The following ZMAT4 variants were observed in gnomAD, a reference collection of about 807,000 sequenced individuals.
ZMAT4 encodes zinc finger matrin-type protein 4.
ZMAT4 carries 17 observed loss-of-function variants against 28.7 expected under a neutral mutation model. The observed-to-expected ratio is 0.59, with a 90% CI of 0.41 to 0.89. ZMAT4 has a LOEUF of 0.89. ZMAT4 is among the 40% of genes least tolerant of loss of function. The pLI is 0.00. For missense variants in ZMAT4, 240 were observed against 283.8 expected (o/e 0.85, Z 1.11); for synonymous variants, 117 against 109.2 (o/e 1.07, Z -0.44).
At chr8:40,549,059 C>T (rs1052915232) in intron 6 of ZMAT4, among the ~76,000 whole-genome samples, 2 of 152,030 alleles carry the variant, frequency 1.3e-5, no homozygotes, top group African/African-American at 4.8e-5. Flanking sequence ...CATGAGGCCT[C>T]CACCCTCATG....
At chr8:40,543,754 A>T (rs2118390770) in intron 6 of ZMAT4, among the ~76,000 whole-genome samples, 1 of 152,318 alleles carries the variant, frequency 6.6e-6, no homozygotes, top group Middle Eastern at 3.4e-3. Flanking sequence ...AATCATTAGA[A>T]TTATAACTTT....
chr8:40,618,683 G>A (rs1378619897), intron 5 of ZMAT4, among the ~76,000 whole-genome samples: 4 of 149,398 alleles, frequency 2.7e-5, no homozygotes, highest in Non-Finnish European at 5.9e-5. Flanking sequence ...AGAAATGACT[G>A]GTTTCCCAGG....
At chr8:40,612,811 G>GTTTTT (rs57134245) in intron 5 of ZMAT4, among the ~76,000 whole-genome samples, 7 of 86,224 alleles carry the variant, frequency 8.1e-5, no homozygotes, top group East Asian at 2.3e-4. Flanking sequence ...TTTGGTTTTT[G>GTTTTT]TTTTTTTTTT....
intron 1 of ZMAT4, among the ~76,000 whole-genome samples, chr8:40,830,238 T>A (rs973859981): frequency 5.9e-5 from 9 of 152,222 alleles, no homozygotes; most frequent in Non-Finnish European, 1.5e-5. Context: ...TTGTTACATA[T>A]GTATACTGCA....
chr8:40,706,995 A>G (rs1372174955), intron 3 of ZMAT4, among the ~76,000 whole-genome samples: 1 of 152,190 alleles, frequency 6.6e-6, no homozygotes, highest in African/African-American at 2.4e-5. Context: ...GAGTGTATGA[A>G]GAAAAACTAA....
rs576788880 is a variant in ZMAT4 at position 40,572,926 on chromosome 8, G to A, written c.674+8239C>T. 2.0e-5 allele frequency among the ~76,000 whole-genome samples: 3 copies of A among 152,280 alleles called. No individual in the cohort carries two copies. In the East Asian group the frequency reaches 5.8e-4, roughly 29 times the overall value. ...AATAGTAGTAGTAATAAAGGCATAT[G>A]ACCTGACTTTTGCCTCTGCTAACAA... On this transcript the variant is annotated intron_variant, in intron 6 of 6. Transcript: ENST00000297737.
chr8:40,560,528 A>C (rs139463432), intron 6 of ZMAT4, among the ~76,000 whole-genome samples: 1 of 152,050 alleles, frequency 6.6e-6, no homozygotes, highest in East Asian at 1.9e-4. Flanking sequence ...TTAAACATTT[A>C]CTGTGAAAGT....
chr8:40,686,722 C>A (rs980177797), intron 4 of ZMAT4, among the ~76,000 whole-genome samples: 21 of 152,068 alleles, frequency 1.4e-4, no homozygotes, highest in African/African-American at 4.8e-4. Flanking sequence ...TGAAATAAAA[C>A]CAAAACCAGT....
intron 4 of ZMAT4, among the ~76,000 whole-genome samples, chr8:40,684,337 C>T (rs930838278): frequency 6.6e-6 from 1 of 152,184 alleles, no homozygotes; most frequent in Non-Finnish European, 1.5e-5. Flanking sequence ...AAACCTCAAA[C>T]CCCACATTTA....
intron 5 of ZMAT4, 130 bp from the exon 6 acceptor site, chr8:40,581,391 C>T: frequency 3.1e-6 from 2 of 650,262 alleles, no homozygotes; most frequent in Non-Finnish European, 5.4e-6. Flanking sequence ...AACACTTCAA[C>T]CCTTCCTTGC....
intron 5 of ZMAT4, among the ~76,000 whole-genome samples, chr8:40,654,585 C>G (rs900105104): frequency 6.6e-6 from 1 of 152,030 alleles, no homozygotes; most frequent in Non-Finnish European, 1.5e-5. Context: ...CAAACTAAAT[C>G]CAGAAACCTA....
At chr8:40,713,460 T>A (rs2150509947) in intron 3 of ZMAT4, among the ~76,000 whole-genome samples, 2 of 150,684 alleles carry the variant, frequency 1.3e-5, no homozygotes, top group South Asian at 2.1e-4. Flanking sequence ...AAAAACAACA[T>A]GAAGGTATTT....
intron 6 of ZMAT4, among the ~76,000 whole-genome samples, chr8:40,577,632 T>C (rs1277464581): frequency 6.6e-6 from 1 of 152,126 alleles, no homozygotes; most frequent in Non-Finnish European, 1.5e-5. Flanking sequence ...TGCAAATAGC[T>C]AGAAGAGAGG....
chr8:40,804,488 A>G (rs188051450), intron 2 of ZMAT4, among the ~76,000 whole-genome samples: 4 of 152,356 alleles, frequency 2.6e-5, no homozygotes, highest in African/African-American at 9.6e-5. Flanking sequence ...GATCATCTTC[A>G]TAATCTTAAT....
intron 5 of ZMAT4, among the ~76,000 whole-genome samples, chr8:40,625,012 A>G (rs921482): frequency 0.75 from 114,246 of 152,146 alleles, 43,269 homozygotes; most frequent in East Asian, 0.97. Context: ...AGGAGGGGGC[A>G]GTGCTCCTTA....
chr8:40,724,665 AG>A (rs1811249390), intron 3 of ZMAT4, among the ~76,000 whole-genome samples: 1 of 152,188 alleles, frequency 6.6e-6, no homozygotes, highest in South Asian at 2.1e-4. Flanking sequence ...ACAGTAGACA[AG>A]GGGAAGCACA....
chr8:40,696,522 G>A (rs1809892064), intron 4 of ZMAT4, among the ~76,000 whole-genome samples: 1 of 152,164 alleles, frequency 6.6e-6, no homozygotes, highest in East Asian at 1.9e-4. Flanking sequence ...TGTCCAAATA[G>A]TTTATCTTGA....
chr8:40,746,534 T>C (rs1812244481), intron 3 of ZMAT4, among the ~76,000 whole-genome samples: 1 of 151,796 alleles, frequency 6.6e-6, no homozygotes, highest in East Asian at 1.9e-4. Context: ...CAGTTAATTT[T>C]TGTATTTTTA....
intron 3 of ZMAT4, 74 bp from the exon 4 acceptor site, chr8:40,697,475 C>T (rs12546561): frequency 5.3e-5 from 71 of 1,342,666 alleles, no homozygotes; most frequent in African/African-American, 3.0e-4. Flanking sequence ...CTTACCCAGA[C>T]GAACTAGTGT....
Sources: allele counts gnomAD v4.1 joint callset (sites outside exome capture counted in the v4.1 genomes callset), GRCh38; gene constraint gnomAD v4.1.1; transcripts MANE v1.5; gene names NCBI Gene and HGNC (gene_info 2026-07-23, HGNC 2026-07-21).